The following GOLGA4 variants were observed in gnomAD, a reference collection of about 807,000 sequenced individuals.
GOLGA4 encodes the protein golgin A4, also known as golgin subfamily A member 4.
Under a neutral mutation model 265.9 loss-of-function variants are expected in GOLGA4, and 169 were observed. That is an observed-to-expected ratio of 0.64 (90% CI 0.56 to 0.72). The LOEUF (loss-of-function observed/expected upper bound fraction) is 0.72, where lower values mean the gene tolerates loss of function less well. Ranked by LOEUF, GOLGA4 falls within the 30% of genes least tolerant of loss-of-function variation. GOLGA4 has a pLI of 0.00. For missense variants in GOLGA4, 2,482 were observed against 2,483.4 expected (o/e 1.00, Z 0.01); for synonymous variants, 923 against 855.8 (o/e 1.08, Z -1.37).
intron 2 of GOLGA4, among the ~76,000 whole-genome samples, chr3:37,265,249 A>G (rs988509817): frequency 6.6e-6 from 1 of 151,992 alleles, no homozygotes; most frequent in African/African-American, 2.4e-5. Flanking sequence ...AATGTTTGTC[A>G]GTATTTTGGT....
Position 37,326,423 on chromosome 3 carries a change from G to A in GOLGA4, c.4537G>A (p.Glu1513Lys). Residue 1513 changes from glutamate (E) to lysine (K), a missense_variant, in exon 14 of 24, where the codon GAG becomes AAG. Physicochemically the swap from Glu to Lys is moderately conservative, Grantham distance 56 (BLOSUM62 1). Around this residue, in one of 3 missense-constraint regions of GOLGA4, gnomAD observed 942 missense variants for 983.1 expected, o/e 0.96. Transcript: ENST00000361924. ...CGACAAGAGCAAGATGGAGAAAAAG[G>A]AGTCTAATTTAGAAACAGAGTTAAA... The part of the protein sequence containing the change: ...EDDKSKMEKK[E>K]SNLETELKSQ... 4 of 1,612,418 alleles carry A rather than the reference G, an allele frequency of 2.5e-6. No individual in the cohort carries two copies. Among genetic ancestry groups the A allele is most frequent in the South Asian group, 1.1e-5 (1 of 90,886 alleles).
rs35641880 is a variant in GOLGA4 at position 37,306,501 on chromosome 3, CTGTGTGTGTG to C, written c.1234+4203_1234+4212del. Among the ~76,000 whole-genome samples the C allele has an allele frequency of 2.4e-3, 340 of 140,210 alleles. 2 individuals are homozygous for C. Among genetic ancestry groups the C allele is most frequent in the South Asian group, 0.012 (49 of 4,210 alleles). 92.0% of individuals were successfully genotyped at this position (140,210 alleles called of 152,430 possible). A position where few individuals can be genotyped will look rare whatever the true frequency, so the allele number is the denominator to read the frequency against. On this transcript the variant is annotated intron_variant, in intron 10 of 23. Transcript: ENST00000361924. ...GTTCACACTAGTTCTTGGCTGTTCT[CTGTGTGTGTG>C]TGTGTGTGTGTGTGTGTGTGTGTGT...
At chr3:37,271,644 C>G (rs2096798982) in intron 2 of GOLGA4, among the ~76,000 whole-genome samples, 1 of 152,046 alleles carries the variant, frequency 6.6e-6, no homozygotes, top group African/African-American at 2.4e-5. Flanking sequence ...TTGTGCAGCT[C>G]CCCCTGGCTT....
In GOLGA4 at chr3:37,347,177, T is replaced by C. The variant is rs2097059155; in HGVS notation, c.6473-16T>C. ...GGTTTTGTCTTTACAGTTTGATCTA[T>C]TTTTTTATTTGGCAGGTGGCAATTT... On this transcript the variant is annotated splice_polypyrimidine_tract_variant and intron_variant, in intron 20 of 23. Coordinates refer to ENST00000361924, the MANE Select transcript of GOLGA4 (RefSeq NM_002078.5). 2 of 1,497,202 alleles carry C rather than the reference T, an allele frequency of 1.3e-6. No individual in the cohort carries two copies. The highest frequency in any genetic ancestry group is 1.9e-6 in the Non-Finnish European group (2 of 1,075,436). 92.7% of individuals were successfully genotyped at this position (1,497,202 alleles called of 1,614,324 possible).
At chr3:37,309,970 C>A (rs2096918563) in intron 10 of GOLGA4, among the ~76,000 whole-genome samples, 1 of 152,166 alleles carries the variant, frequency 6.6e-6, no homozygotes, top group African/African-American at 2.4e-5. Flanking sequence ...TGATAAAATT[C>A]TTTTTGTTGC....
intron 2 of GOLGA4, among the ~76,000 whole-genome samples, chr3:37,278,597 T>A (rs2096825937): frequency 6.6e-6 from 1 of 152,124 alleles, no homozygotes; most frequent in Non-Finnish European, 1.5e-5. Flanking sequence ...TATAACAAAT[T>A]CAGAATTTTA....
At chr3:37,352,436 C>G (rs1185765795) in intron 21 of GOLGA4, among the ~76,000 whole-genome samples, 1 of 151,996 alleles carries the variant, frequency 6.6e-6, no homozygotes, top group African/African-American at 2.4e-5. Context: ...GCCCATGATT[C>G]AGTTACCTCC....
chr3:37,288,352 G>T (rs1196091886), intron 4 of GOLGA4, among the ~76,000 whole-genome samples: 1 of 149,572 alleles, frequency 6.7e-6, no homozygotes, highest in South Asian at 2.1e-4. Context: ...CTGGTGATCC[G>T]CCTGCCTCGG....
intron 10 of GOLGA4, 59 bp from the exon 11 acceptor site, chr3:37,315,361 C>A: frequency 1.4e-6 from 2 of 1,425,218 alleles, no homozygotes; most frequent in Admixed American, 2.1e-5. Context: ...GAATGTAAAA[C>A]ACTTTAGCTC....
intron 2 of GOLGA4, among the ~76,000 whole-genome samples, chr3:37,254,753 C>T (rs1031498775): frequency 1.4e-4 from 21 of 151,124 alleles, no homozygotes; most frequent in African/African-American, 4.6e-4. Flanking sequence ...CTGCCTGCCT[C>T]GGCCTCCCAA....
chr3:37,243,354 AAG>A lies in GOLGA4; in HGVS notation c.-193_-192del. 1.7e-6 allele frequency: 1 copy of A among 578,610 alleles called. No individual in the cohort carries two copies. The highest frequency in any genetic ancestry group is 3.1e-6 in the Non-Finnish European group (1 of 322,434). 35.8% of individuals were successfully genotyped at this position (578,610 alleles called of 1,614,324 possible). A position where few individuals can be genotyped will look rare whatever the true frequency, so the allele number is the denominator to read the frequency against. On this transcript the variant is annotated 5_prime_UTR_variant, in exon 1 of 24. It removes the in-frame stop codon of an upstream open reading frame in the 5' UTR. Coordinates refer to ENST00000361924, the MANE Select transcript of GOLGA4 (RefSeq NM_002078.5). Reference sequence around the variant, plus strand: ...AGGCCAGCCAGTGGCACCCGGAAGAAAGAGACGCGGCGGCGGCGACGCCGACA... The same window carrying A: ...AGGCCAGCCAGTGGCACCCGGAAGAAAGACGCGGCGGCGGCGACGCCGACA...
At chr3:37,304,095 A>T (rs2096900127) in intron 10 of GOLGA4, among the ~76,000 whole-genome samples, 1 of 152,184 alleles carries the variant, frequency 6.6e-6, no homozygotes, top group Admixed American at 6.5e-5. Context: ...GAGAAAAAAA[A>T]AGTTACCTCA....
Position 37,323,993 on chromosome 3 carries a change from C to G in GOLGA4, c.2107C>G (p.Leu703Val), listed in dbSNP as rs377325720. Residue 703 changes from leucine to valine, a missense_variant, in exon 14 of 24, where the codon CTA becomes GTA. Coordinates refer to ENST00000361924, the MANE Select transcript of GOLGA4 (RefSeq NM_002078.5). ...AGAAGTATTAAAAGCCCGTCACAAA[C>G]TAGAAGAGGAACTTTCTGTTCTGAA... ...LSEVLKARHK[L>V]EEELSVLKDQ... 15 of 1,613,654 alleles carry G rather than the reference C, an allele frequency of 9.3e-6. No homozygotes were observed. In the African/African-American group the frequency reaches 1.5e-4, roughly 16 times the overall value.
At chr3:37,250,326 A>G (rs1366583741) in intron 1 of GOLGA4, 1 of 152,230 alleles carries the variant, frequency 6.6e-6, no homozygotes, top group South Asian at 2.1e-4. Context: ...CTTGCCCCAT[A>G]TGGATGGCCA....
intron 10 of GOLGA4, among the ~76,000 whole-genome samples, chr3:37,304,092 A>G (rs919118683): frequency 6.6e-6 from 1 of 152,198 alleles, no homozygotes; most frequent in African/African-American, 2.4e-5. Context: ...AATGAGAAAA[A>G]AAAAGTTACC....
In GOLGA4 at chr3:37,337,179, C is replaced by CTT. The variant is rs756259334; in HGVS notation, c.6327+28_6327+29dup. On this transcript the variant is annotated intron_variant, in intron 18 of 23. Coordinates refer to ENST00000361924, the MANE Select transcript of GOLGA4 (RefSeq NM_002078.5). ...GGAGCTACAGGTAAGGCTAGTTCTTCTTTTTTTTTTTTTCTTTTTTTTCTT... is the reference window on the plus strand; with the variant it reads ...GGAGCTACAGGTAAGGCTAGTTCTTCTTTTTTTTTTTTTTTCTTTTTTTTCTT... 3.7e-3 allele frequency: 3,975 copies of CTT among 1,064,616 alleles called. No homozygotes were observed. Among genetic ancestry groups the CTT allele is most frequent in the South Asian group, 6.3e-3 (399 of 63,134 alleles). 65.9% of individuals were successfully genotyped at this position (1,064,616 alleles called of 1,614,324 possible).
rs1476765960 is a variant in GOLGA4 at position 37,281,978 on chromosome 3, TGCACA to T, written c.185_189del (p.Ala62GlufsTer27). The T allele has an allele frequency of 2.5e-6, 4 of 1,613,478 alleles. No homozygotes were observed. The highest frequency in any genetic ancestry group is 3.4e-6 in the Non-Finnish European group (4 of 1,179,686). On this transcript the variant is annotated frameshift_variant, in exon 3 of 24. Coordinates refer to ENST00000361924, the MANE Select transcript of GOLGA4 (RefSeq NM_002078.5). LOFTEE classifies it high-confidence loss of function. ...TGCAGTCAGGTGACACACAGTCTTT[TGCACA>T]GAAGCTCCAGCTCCGGGTGCCCTCC... is the stretch of plus-strand genomic sequence containing the variant.
intron 2 of GOLGA4, among the ~76,000 whole-genome samples, chr3:37,256,584 T>C (rs1278884298): frequency 6.6e-6 from 1 of 152,186 alleles, no homozygotes; most frequent in Non-Finnish European, 1.5e-5. Context: ...CTCTGGGTAC[T>C]CTCCTATCCT....
chr3:37,363,048 C>T (rs1696458487), intron 23 of GOLGA4, among the ~76,000 whole-genome samples: 1 of 152,082 alleles, frequency 6.6e-6, no homozygotes, highest in Non-Finnish European at 1.5e-5. Flanking sequence ...TCCCAAAGTG[C>T]TGGGATTACA....
Sources: allele counts gnomAD v4.1 joint callset (sites outside exome capture counted in the v4.1 genomes callset), GRCh38; gene constraint gnomAD v4.1.1; regional missense constraint gnomAD v4.1.1; transcripts MANE v1.5; gene names NCBI Gene and HGNC (gene_info 2026-07-23, HGNC 2026-07-21).